Variants in TMEM253 observed in about 807,000 individuals in gnomAD.
The protein encoded by TMEM253 is transmembrane protein 253, also known as transmembrane protein C14orf176.
Under a neutral mutation model 20.3 loss-of-function variants are expected in TMEM253, and 22 were observed. The ratio of observed to expected loss-of-function variants is 1.08; its 90% confidence interval spans 0.78 to 1.55. The LOEUF is 1.55. Among genes scored for constraint, TMEM253 ranks in the 40% most tolerant of loss-of-function variants. The pLI, the probability that TMEM253 is intolerant of heterozygous loss-of-function variation, is 0.00. For missense variants in TMEM253, 251 were observed against 266.1 expected (o/e 0.94, Z 0.39); for synonymous variants, 92 against 102.6 (o/e 0.90, Z 0.62).
At chr14:21,101,487 G>A in intron 2 of TMEM253, 36 bp downstream of exon 2, 1 of 1,522,608 alleles carries the variant, frequency 6.6e-7, no homozygotes, top group Non-Finnish European at 8.9e-7. Flanking sequence ...GTCTCAGCAT[G>A]TCCACTTCTA....
chr14:21,099,897 C>T (rs1889528677), upstream of TMEM253, among the ~76,000 whole-genome samples: 1 of 152,108 alleles, frequency 6.6e-6, no homozygotes, highest in Admixed American at 6.5e-5. Flanking sequence ...AAATGTGTCC[C>T]CAGCTTCCTT....
chr14:21,102,392 G>C lies in TMEM253; in HGVS notation c.277-13G>C, dbSNP rs1889696418. 6.4e-7 allele frequency: 1 copy of C among 1,551,490 alleles called. No homozygotes were observed. Among genetic ancestry groups the C allele is most frequent in the South Asian group, 1.2e-5 (1 of 84,060 alleles). ...CCCCTAGGCTGGGCAGGGCTGAGCTGGCTCACTGGCAGGTGCGGGCCATGA... is the reference window on the plus strand; with the variant it reads ...CCCCTAGGCTGGGCAGGGCTGAGCTCGCTCACTGGCAGGTGCGGGCCATGA... On this transcript the variant is annotated splice_polypyrimidine_tract_variant and intron_variant, in intron 4 of 6. Transcript: ENST00000556585.
chr14:21,101,959 T>C (rs757512802), exon 3 of TMEM253: 1 of 1,551,692 alleles, frequency 6.4e-7, no homozygotes, highest in Non-Finnish European at 8.7e-7. Flanking sequence ...GCGCTGCCTC[T>C]TGGGCCTGGA....
chr14:21,103,303 A>G lies in TMEM253; in HGVS notation c.*45A>G, dbSNP rs997824599. ...TCCTGCATCCCACCCCACCAAACTC[A>G]GAAGCTTGCTGGGATCCTTCGAGTC... On this transcript the variant is annotated 3_prime_UTR_variant, in exon 7 of 7. Coordinates refer to ENST00000556585, the Ensembl canonical transcript of TMEM253. 43 of 1,533,746 alleles carry G rather than the reference A, an allele frequency of 2.8e-5. No individual in the cohort carries two copies. In the African/African-American group the frequency reaches 5.7e-4, roughly 20 times the overall value.
exon 4 of TMEM253, chr14:21,102,088 C>A: frequency 6.4e-7 from 1 of 1,551,320 alleles, no homozygotes; most frequent in Non-Finnish European, 8.7e-7. Flanking sequence ...GACTGTCACT[C>A]TGGAGCTTCG....
At chr14:21,101,824 C>A in intron 2 of TMEM253, 41 bp from the exon 3 acceptor site, 1 of 1,469,482 alleles carries the variant, frequency 6.8e-7, no homozygotes, top group Non-Finnish European at 9.3e-7. Flanking sequence ...GGGAGGGAAT[C>A]CCTGACAGTT....
chr14:21,102,128 G>A lies in TMEM253; in HGVS notation c.276+8G>A, dbSNP rs535943725. ...GCACCCCGCCTTTGGAAGGTGAGAG[G>A]GAAGAAAACGCAGCACTGTCCTCCC... is the stretch of plus-strand genomic sequence containing the variant. On this transcript the variant is annotated splice_region_variant and intron_variant, in intron 4 of 6. Transcript: ENST00000556585. 331 of 1,550,018 alleles carry A rather than the reference G, an allele frequency of 2.1e-4. 6 individuals carry two copies. The South Asian group carries it at 3.7e-3, about 17-fold the overall frequency.
At chr14:21,101,938 A>T (rs1889662614) in exon 3 of TMEM253, 2 of 1,551,596 alleles carry the variant, frequency 1.3e-6, no homozygotes, top group Non-Finnish European at 1.7e-6. Context: ...TCTGATTGTC[A>T]CATGGCCACA....
chr14:21,103,206 A>G lies in TMEM253; in HGVS notation c.602A>G (p.Asn201Ser), dbSNP rs746338417. 14 of 1,551,610 alleles carry G rather than the reference A, an allele frequency of 9.0e-6. No individual in the cohort carries two copies. The highest frequency in any genetic ancestry group is 1.4e-5 in the African/African-American group (1 of 73,134). Residue 201 changes from asparagine to serine, a missense_variant, in exon 7 of 7, where the codon AAT becomes AGT. Asn to Ser is a conservative substitution (Grantham distance 46, BLOSUM62 1). Transcript: ENST00000556585. ...CCCACGGTGGCCAGCACAGGAGCAA[A>G]TGAGAGGGTGGGACAGCGGGAACAG...
rs202234056 is a variant in TMEM253 at position 21,101,296 on chromosome 14, CA to C, written c.-36-11del. 1.5e-4 allele frequency: 228 copies of C among 1,522,248 alleles called. No homozygotes were observed. In the East Asian group the frequency reaches 5.6e-3, roughly 37 times the overall value. 94.3% of individuals were successfully genotyped at this position (1,522,248 alleles called of 1,614,324 possible). A position where few individuals can be genotyped will look rare whatever the true frequency, so the allele number is the denominator to read the frequency against. On this transcript the variant is annotated splice_polypyrimidine_tract_variant and intron_variant, in intron 1 of 6. Coordinates refer to ENST00000556585, the Ensembl canonical transcript of TMEM253. The stretch of plus-strand genomic sequence containing the variant: ...CTCCTAATAGACAGAACCTATAACG[CA>C]TTTTTCCCAGCCTAGGAAGCACCTA...
Position 21,102,128 on chromosome 14 carries a change from G to T in TMEM253, c.276+8G>T. 1 of 1,550,018 alleles carries T rather than the reference G, an allele frequency of 6.5e-7. No homozygotes were observed. The highest frequency in any genetic ancestry group is 1.2e-5 in the South Asian group (1 of 83,764). On this transcript the variant is annotated splice_region_variant and intron_variant, in intron 4 of 6. Coordinates refer to ENST00000556585, the Ensembl canonical transcript of TMEM253. The stretch of plus-strand genomic sequence containing the variant: ...GCACCCCGCCTTTGGAAGGTGAGAG[G>T]GAAGAAAACGCAGCACTGTCCTCCC...
chr14:21,100,532 G>GAGATAGAT (rs3062000), upstream of TMEM253, among the ~76,000 whole-genome samples: 1,039 of 150,218 alleles, frequency 6.9e-3, 3 homozygotes, highest in Middle Eastern at 0.014. Context: ...TGAGGACCAT[G>GAGATAGAT]AGATAGATAG....
chr14:21,102,640 G>A (rs370075301), exon 6 of TMEM253: 4 of 1,551,312 alleles, frequency 2.6e-6, no homozygotes, highest in Non-Finnish European at 3.5e-6. Context: ...CAGCATGCTG[G>A]CTTGCTGGTG....
exon 7 of TMEM253, chr14:21,103,469 C>A: frequency 1.4e-6 from 1 of 692,892 alleles, no homozygotes; most frequent in Non-Finnish European, 2.3e-6. Context: ...CCCTTGCATC[C>A]ATATCCTCTC....
chr14:21,102,680 A>G, exon 6 of TMEM253: 1 of 1,551,526 alleles, frequency 6.4e-7, no homozygotes, highest in Non-Finnish European at 8.7e-7. Flanking sequence ...CCTTCACCCT[A>G]GGGGGAGTGC....
intron 5 of TMEM253, 50 bp downstream of exon 5, chr14:21,102,565 T>A: frequency 6.4e-7 from 1 of 1,550,682 alleles, no homozygotes; most frequent in Non-Finnish European, 8.7e-7. Flanking sequence ...CAAGAGGAGG[T>A]GGGAAGGGAA....
exon 2 of TMEM253, chr14:21,101,433 G>A (rs1199167100): frequency 6.4e-7 from 1 of 1,551,490 alleles, no homozygotes; most frequent in Non-Finnish European, 8.7e-7. Context: ...GGCAGAGTGG[G>A]CACCTCTTGG....
Position 21,101,388 on chromosome 14 carries a change from T to G in TMEM253, c.45T>G (p.Leu15=), listed in dbSNP as rs949191569. The change falls in exon 2 of 7, where the codon CTT becomes CTG. Residue 15 remains leucine (L), a synonymous_variant. Coordinates refer to ENST00000556585, the Ensembl canonical transcript of TMEM253. ...AGCAAGAGCAGGAGAGACACAGCCTTCGTCTGGAAAAGCTACAACACTGGG... is the reference window on the plus strand; with the variant it reads ...AGCAAGAGCAGGAGAGACACAGCCTGCGTCTGGAAAAGCTACAACACTGGG... 8.4e-6 allele frequency: 13 copies of G among 1,551,632 alleles called. No individual in the cohort carries two copies. In the Admixed American group the frequency reaches 2.5e-4, roughly 30 times the overall value.
At position 21,102,614 on chromosome 14, in the gene TMEM253, C is replaced by T; in HGVS notation, c.388-19C>T. On this transcript the variant is annotated intron_variant, in intron 5 of 6. Transcript: ENST00000556585. ...AACAGGTGCGGGGTCCCTGCATTCT[C>T]AGCCCTGTCTACCTGCAGCATGCTG... 1 of 1,551,256 alleles carries T rather than the reference C, an allele frequency of 6.4e-7. No individual in the cohort carries two copies. Among genetic ancestry groups the T allele is most frequent in the Non-Finnish European group, 8.7e-7 (1 of 1,146,828 alleles).
Sources: allele counts gnomAD v4.1 joint callset (sites outside exome capture counted in the v4.1 genomes callset), GRCh38; gene constraint gnomAD v4.1.1; transcripts MANE v1.5; gene names NCBI Gene and HGNC (gene_info 2026-07-23, HGNC 2026-07-21).